The following CCNY variants were observed in gnomAD, a reference collection of about 807,000 sequenced individuals.
CCNY encodes the protein cyclin Y.
CCNY carries 19 observed loss-of-function variants against 42.8 expected under a neutral mutation model. The observed-to-expected ratio is 0.44, with a 90% confidence interval of 0.31 to 0.65. CCNY has a LOEUF of 0.65. Ranked by LOEUF, CCNY falls within the 30% of genes least tolerant of loss-of-function variation. The pLI, the probability that CCNY is intolerant of heterozygous loss-of-function variation, is 0.07. For missense variants in CCNY, 370 were observed against 437.3 expected (o/e 0.85, Z 1.37); for synonymous variants, 165 against 162.7 (o/e 1.01, Z -0.11).
intron 1 of CCNY, among the ~76,000 whole-genome samples, chr10:35,345,185 C>T (rs1252701540): frequency 6.6e-6 from 1 of 152,204 alleles, no homozygotes; most frequent in East Asian, 1.9e-4. Flanking sequence ...AGTTTACGTC[C>T]TACCAACAGT....
At chr10:35,285,907 G>T (rs902725088) in intron 3 of CCNY, among the ~76,000 whole-genome samples, 6 of 152,124 alleles carry the variant, frequency 3.9e-5, no homozygotes, top group Admixed American at 6.6e-5. Flanking sequence ...CTGCCTCCCG[G>T]TTTCAAGCAA....
chr10:35,380,147 G>A (rs1206442537), intron 1 of CCNY, among the ~76,000 whole-genome samples: 1 of 152,218 alleles, frequency 6.6e-6, no homozygotes, highest in Non-Finnish European at 1.5e-5. Flanking sequence ...GGTTAAGGAG[G>A]CTGCCAGGTA....
At chr10:35,256,395 A>C (rs1259029969) in intron 3 of CCNY, among the ~76,000 whole-genome samples, 1 of 152,132 alleles carries the variant, frequency 6.6e-6, no homozygotes, top group Non-Finnish European at 1.5e-5. Context: ...GATCGCATTT[A>C]ACTTCCTAAA....
intron 1 of CCNY, among the ~76,000 whole-genome samples, chr10:35,461,442 A>C (rs1322186823): frequency 6.6e-6 from 1 of 151,954 alleles, no homozygotes; most frequent in African/African-American, 2.4e-5. Flanking sequence ...TGCTGAAGGC[A>C]GACAGGGAGG....
rs546943083 is a variant in CCNY at position 35,521,319 on chromosome 10, C to T, written c.366-4645C>T. 1.9e-4 allele frequency among the ~76,000 whole-genome samples: 29 copies of T among 152,312 alleles called. No individual in the cohort carries two copies. The South Asian group carries it at 4.8e-3, about 25-fold the overall frequency. ...ACCAAGCCTCTGAAGTTGGGCACTC[C>T]GGGTCCCCCAGGTCCCCTGAGTTCT... On this transcript the variant is annotated intron_variant, in intron 4 of 9. Coordinates refer to ENST00000374704, the MANE Select transcript of CCNY (RefSeq NM_145012.6).
chr10:35,338,700 C>T (rs948224545), intron 1 of CCNY, among the ~76,000 whole-genome samples: 12 of 151,984 alleles, frequency 7.9e-5, no homozygotes, highest in Non-Finnish European at 1.8e-4. Flanking sequence ...TGTTGACAGG[C>T]GAAAACATTT....
intron 1 of CCNY, among the ~76,000 whole-genome samples, chr10:35,416,928 G>C (rs1463945711): frequency 1.3e-5 from 2 of 152,108 alleles, no homozygotes; most frequent in Admixed American, 6.5e-5. Context: ...GAAAGAAACT[G>C]AAGTCTAGGG....
intron 7 of CCNY, among the ~76,000 whole-genome samples, chr10:35,532,233 C>T (rs897361034): frequency 2.6e-4 from 39 of 152,238 alleles, no homozygotes; most frequent in Non-Finnish European, 2.8e-4. Flanking sequence ...TAGGATTGTT[C>T]TTCCCTCCTC....
intron 1 of CCNY, among the ~76,000 whole-genome samples, chr10:35,354,299 C>T (rs1418870391): frequency 6.6e-6 from 1 of 151,594 alleles, no homozygotes; most frequent in Non-Finnish European, 1.5e-5. Flanking sequence ...GAGTCTCCTG[C>T]CTCAGCTTCT....
intron 1 of CCNY, among the ~76,000 whole-genome samples, chr10:35,473,568 G>C (rs1483437695): frequency 6.6e-6 from 1 of 151,920 alleles, no homozygotes; most frequent in Non-Finnish European, 1.5e-5. Context: ...GTGATTTTGG[G>C]GTGGATTGAG....
chr10:35,513,144 A>C (rs923100596), intron 3 of CCNY, among the ~76,000 whole-genome samples: 1 of 152,142 alleles, frequency 6.6e-6, no homozygotes, highest in Non-Finnish European at 1.5e-5. Flanking sequence ...ACATTGTGTG[A>C]ATACATGGAC....
At position 35,553,111 on chromosome 10, in the gene CCNY, C is replaced by T. The variant is rs376271533; in HGVS notation, c.672C>T (p.Ser224=). 4.5e-5 allele frequency: 72 copies of T among 1,614,042 alleles called. No individual in the cohort carries two copies. Among genetic ancestry groups the T allele is most frequent in the Non-Finnish European group, 4.4e-5 (52 of 1,180,036 alleles). The part of the protein sequence containing the change: ...RIVLGAILLA[S]KVWDDQAVWN... ...TTTTAGGGGCGATCCTGCTGGCCTC[C>T]AAGGTGTGGGATGACCAGGCTGTAT... The change falls in exon 8 of 10, where the codon TCC becomes TCT. Residue 224 remains serine, a synonymous_variant. Transcript: ENST00000374704.
Position 35,530,509 on chromosome 10 carries a change from A to G in CCNY, c.579+266A>G, listed in dbSNP as rs571269674. On this transcript the variant is annotated intron_variant, in intron 7 of 9. Coordinates refer to ENST00000374704, the MANE Select transcript of CCNY (RefSeq NM_145012.6). This position sits in a 1 kb window ranked among gnomAD's most constrained non-coding sequence, Gnocchi z 4.3. ...CAGGAAATGCTGAAATTAAAAATGC[A>G]GGTAAGTAAAACAGTAGGGCTAAGA... 6.6e-6 allele frequency among the ~76,000 whole-genome samples: 1 copy of G among 152,372 alleles called. No homozygotes were observed. Among genetic ancestry groups the G allele is most frequent in the Admixed American group, 6.5e-5 (1 of 15,310 alleles).
chr10:35,486,698 A>G lies in CCNY; in HGVS notation c.229+3220A>G, dbSNP rs149482596. On this transcript the variant is annotated intron_variant, in intron 2 of 9. Transcript: ENST00000374704. ...TGGAATATGAGGCCCATCGTGATCC[A>G]GCCTCTGCCTTCCTTCCCAGCCAAC... is the stretch of plus-strand genomic sequence containing the variant. Among the ~76,000 whole-genome samples the G allele has an allele frequency of 2.0e-5, 3 of 152,340 alleles. No homozygotes were observed. In the East Asian group the frequency reaches 5.8e-4, roughly 29 times the overall value.
upstream of CCNY, among the ~76,000 whole-genome samples, chr10:35,332,807 T>G (rs1011683941): frequency 6.6e-6 from 1 of 152,156 alleles, no homozygotes; most frequent in African/African-American, 2.4e-5. Flanking sequence ...GGTTTCACTG[T>G]GTTAGCCAGG....
chr10:35,417,364 T>G (rs1416643086), intron 1 of CCNY, among the ~76,000 whole-genome samples: 2 of 152,200 alleles, frequency 1.3e-5, no homozygotes, highest in African/African-American at 4.8e-5. Flanking sequence ...GAGTCTCAGC[T>G]CTTGATTCAC....
intron 1 of CCNY, among the ~76,000 whole-genome samples, chr10:35,339,684 C>G (rs2135117960): frequency 6.6e-6 from 1 of 152,260 alleles, no homozygotes; most frequent in Non-Finnish European, 1.5e-5. Context: ...GTCTTTAAAT[C>G]ACAGAGATAT....
intron 8 of CCNY, among the ~76,000 whole-genome samples, chr10:35,563,209 A>T (rs1201270668): frequency 1.3e-5 from 2 of 152,122 alleles, no homozygotes; most frequent in Admixed American, 1.3e-4. Flanking sequence ...TTAGAAAAAA[A>T]TTCATTTTTT....
chr10:35,291,752 G>A (rs1221235011), intron 3 of CCNY, among the ~76,000 whole-genome samples: 1 of 152,014 alleles, frequency 6.6e-6, no homozygotes, highest in Non-Finnish European at 1.5e-5. Context: ...GGCCAGGCTG[G>A]TCTTGAACTC....
Sources: allele counts gnomAD v4.1 joint callset (sites outside exome capture counted in the v4.1 genomes callset), GRCh38; gene constraint gnomAD v4.1.1; non-coding constraint Gnocchi (gnomAD v3.1); transcripts MANE v1.5; gene names NCBI Gene and HGNC (gene_info 2026-07-23, HGNC 2026-07-21).